The following CCL26 variants were observed in gnomAD, a reference collection of about 807,000 sequenced individuals.
CCL26 encodes the protein C-C motif chemokine ligand 26.
CCL26 carries 10 observed loss-of-function variants against 10.7 expected under a neutral mutation model. The observed-to-expected ratio is 0.93, with a 90% CI of 0.57 to 1.58. The LOEUF (loss-of-function observed/expected upper bound fraction) is 1.58, where lower values mean the gene tolerates loss of function less well. Ranked by LOEUF, CCL26 falls within the 40% of genes most tolerant of loss-of-function variation. The pLI is 0.00. For missense variants in CCL26, 116 were observed against 111.0 expected (o/e 1.05, Z -0.20); for synonymous variants, 43 against 41.4 (o/e 1.04, Z -0.15).
chr7:75,779,741 C>T (rs1478369811), intron 1 of CCL26, among the ~76,000 whole-genome samples: 1 of 152,208 alleles, frequency 6.6e-6, no homozygotes, highest in Non-Finnish European at 1.5e-5. Flanking sequence ...GTGACGCCTG[C>T]CTTGGTCATT....
intron 1 of CCL26, among the ~76,000 whole-genome samples, chr7:75,789,459 C>CTTTTTTTTTTTTTTT (rs782166200): frequency 8.6e-5 from 9 of 104,268 alleles, no homozygotes; most frequent in Non-Finnish European, 1.5e-4. Flanking sequence ...TTCTCTTTTT[C>CTTTTTTTTTTTTTTT]TCTTTTTTTT....
chr7:75,790,198 T>TCTTTC (rs1803299948), upstream of CCL26, among the ~76,000 whole-genome samples: 1 of 102,396 alleles, frequency 9.8e-6, no homozygotes, highest in Non-Finnish European at 2.1e-5. Context: ...TTTCTTTCTT[T>TCTTTC]CTTTCTTTCT....
chr7:75,780,448 C>A (rs1211892620), intron 1 of CCL26, among the ~76,000 whole-genome samples: 1 of 152,154 alleles, frequency 6.6e-6, no homozygotes, highest in Non-Finnish European at 1.5e-5. Context: ...TCAACCGACA[C>A]CTGACCTAAA....
At position 75,780,030 on chromosome 7, in the gene CCL26, C is replaced by T. The variant is rs923139839; in HGVS notation, c.-78-7776G>A. Among the ~76,000 whole-genome samples the T allele has an allele frequency of 4.6e-5, 7 of 151,058 alleles. No individual in the cohort carries two copies. The South Asian group carries it at 1.5e-3, about 32-fold the overall frequency. ...CCACTTTCCTGGGGGGCAAGCACCC[C>T]CCACCCCTTCTGTCCATGTCTCTAC... On this transcript the variant is annotated intron_variant, in intron 1 of 3. Coordinates refer to the CCL26 transcript ENST00000394905.
At chr7:75,780,855 A>G (rs992468546) in intron 1 of CCL26, among the ~76,000 whole-genome samples, 13 of 151,628 alleles carry the variant, frequency 8.6e-5, no homozygotes, top group African/African-American at 3.2e-4. Flanking sequence ...CCCACCCTAC[A>G]ATCCTTTTAT....
In CCL26 at chr7:75,772,178, A is replaced by AAG. The variant is rs781945798; in HGVS notation, c.-3_-2insCT. 1 of 1,550,048 alleles carries AAG rather than the reference A, an allele frequency of 6.5e-7. No homozygotes were observed. The highest frequency in any genetic ancestry group is 8.7e-7 in the Non-Finnish European group (1 of 1,146,488). On this transcript the variant is annotated 5_prime_UTR_variant, in exon 1 of 3. Coordinates refer to ENST00000005180, the MANE Select transcript of CCL26 (RefSeq NM_001371938.1). ...AGAGGCCAAGGAGAGGCCCATCATG[A>AAG]TGCTGCAAATCAGGCCCTTCTCAGG...
At chr7:75,776,519 AGG>A (rs1802943664), upstream of CCL26, among the ~76,000 whole-genome samples, 1 of 2,132 alleles carries the variant, frequency 4.7e-4, no homozygotes, top group Non-Finnish European at 1.5e-3. Context: ...CCAAAAAGGA[AGG>A]AAGGAAGGAA....
upstream of CCL26, among the ~76,000 whole-genome samples, chr7:75,772,947 G>A (rs1802862358): frequency 6.6e-6 from 1 of 152,108 alleles, no homozygotes; most frequent in Non-Finnish European, 1.5e-5. Flanking sequence ...GCAAAGTTTT[G>A]TTTCCTTTCT....
intron 1 of CCL26, among the ~76,000 whole-genome samples, chr7:75,785,057 A>G (rs147434751): frequency 0.01 from 1,546 of 152,312 alleles, 23 homozygotes; most frequent in African/African-American, 0.035. Context: ...AGGTTAGTTC[A>G]GGATCTGCAC....
intron 1 of CCL26, among the ~76,000 whole-genome samples, chr7:75,779,287 G>A (rs921734676): frequency 2.6e-5 from 4 of 152,148 alleles, no homozygotes; most frequent in African/African-American, 7.2e-5. Flanking sequence ...TTTGGTGGTC[G>A]CTTCACACGG....
chr7:75,790,183 CTTTCTTT>C (rs782419299), upstream of CCL26, among the ~76,000 whole-genome samples: 259 of 72,958 alleles, frequency 3.5e-3, 2 homozygotes, highest in East Asian at 0.012. Flanking sequence ...TCCTTCCTTT[CTTTCTTT>C]CTTTCTTTCT....
intron 1 of CCL26, among the ~76,000 whole-genome samples, chr7:75,780,106 C>T (rs577835325): frequency 1.5e-4 from 23 of 149,230 alleles, no homozygotes; most frequent in Admixed American, 3.3e-4. Context: ...ATCCCTTTTC[C>T]ACTTTCCTGG....
At chr7:75,791,013 C>CT (rs35608337), upstream of CCL26, among the ~76,000 whole-genome samples, 2,782 of 134,322 alleles carry the variant, frequency 0.021, 44 homozygotes, top group Non-Finnish European at 0.024. Context: ...GAAACTCCTC[C>CT]TTTTTTTTTT....
intron 1 of CCL26, among the ~76,000 whole-genome samples, chr7:75,787,460 T>A (rs782382484): frequency 2.6e-5 from 4 of 151,498 alleles, no homozygotes; most frequent in Admixed American, 2.0e-4. Context: ...CTGGCTAACA[T>A]GGTGAAACCC....
At chr7:75,772,806 G>A (rs1802859034), upstream of CCL26, among the ~76,000 whole-genome samples, 1 of 152,210 alleles carries the variant, frequency 6.6e-6, no homozygotes, top group African/African-American at 2.4e-5. Context: ...CTGGTTCCCA[G>A]TGCTGTTGGC....
At chr7:75,787,126 T>C (rs1279490920) in intron 1 of CCL26, among the ~76,000 whole-genome samples, 3 of 152,162 alleles carry the variant, frequency 2.0e-5, no homozygotes, top group Admixed American at 2.0e-4. Flanking sequence ...GGTAGAGGCC[T>C]TTCCCACAGG....
intron 1 of CCL26, among the ~76,000 whole-genome samples, chr7:75,784,851 C>T (rs190146958): frequency 5.3e-5 from 8 of 152,142 alleles, no homozygotes; most frequent in Admixed American, 3.3e-4. Context: ...CCTTGGTGAC[C>T]GATCATGCAC....
intron 1 of CCL26, among the ~76,000 whole-genome samples, chr7:75,786,423 C>G (rs528593410): frequency 6.6e-6 from 1 of 152,286 alleles, no homozygotes; most frequent in Non-Finnish European, 1.5e-5. Context: ...TGCCTTAACT[C>G]GGGCCCTCAC....
chr7:75,788,202 C>G (rs1803245881), intron 1 of CCL26, among the ~76,000 whole-genome samples: 1 of 152,112 alleles, frequency 6.6e-6, no homozygotes, highest in Non-Finnish European at 1.5e-5. Context: ...GTCGTATCCC[C>G]CAGTGACCTG....
Sources: allele counts gnomAD v4.1 joint callset (sites outside exome capture counted in the v4.1 genomes callset), GRCh38; gene constraint gnomAD v4.1.1; transcripts MANE v1.5; gene names NCBI Gene and HGNC (gene_info 2026-07-23, HGNC 2026-07-21).